Variants in ROBO2 observed in about 807,000 individuals in gnomAD.
ROBO2 encodes the protein roundabout guidance receptor 2.
In ROBO2, 53 loss-of-function variants were observed where a neutral mutation model predicts 160.8. That is an observed-to-expected ratio of 0.33 (90% CI 0.26 to 0.41). The LOEUF (loss-of-function observed/expected upper bound fraction) is 0.41, where lower values mean the gene tolerates loss of function less well. Among genes scored for constraint, ROBO2 ranks in the 10% least tolerant of loss-of-function variants. ROBO2 has a pLI of 1.00. For missense variants in ROBO2, 1,577 were observed against 1,722.4 expected (o/e 0.92, Z 1.49); for synonymous variants, 664 against 611.7 (o/e 1.09, Z -1.26).
intron 1 of ROBO2, among the ~76,000 whole-genome samples, chr3:75,918,828 CT>C (rs1946914688): frequency 1.3e-5 from 2 of 151,972 alleles, no homozygotes; most frequent in South Asian, 4.2e-4. Flanking sequence ...ATTTGGCTCT[CT>C]GCTTGTCTGG....
intron 24 of ROBO2, among the ~76,000 whole-genome samples, chr3:77,639,504 CT>C (rs1371565637): frequency 6.6e-6 from 1 of 151,980 alleles, no homozygotes; most frequent in Non-Finnish European, 1.5e-5. Context: ...TCAGAAAAGA[CT>C]GGAATAACAT....
chr3:77,259,606 A>T (rs1013955899), intron 2 of ROBO2, among the ~76,000 whole-genome samples: 1 of 152,214 alleles, frequency 6.6e-6, no homozygotes, highest in Non-Finnish European at 1.5e-5. Flanking sequence ...AGGAACAAAA[A>T]AGGATGATTG....
intron 2 of ROBO2, among the ~76,000 whole-genome samples, chr3:77,402,229 T>A (rs2075863279): frequency 6.7e-6 from 1 of 150,114 alleles, no homozygotes; most frequent in South Asian, 2.1e-4. Flanking sequence ...AAGTGGGGAT[T>A]GAATAATGAT....
intron 2 of ROBO2, among the ~76,000 whole-genome samples, chr3:76,073,347 G>A: frequency 7.4e-6 from 1 of 135,502 alleles, no homozygotes; most frequent in Admixed American, 8.2e-5. Context: ...AGGCTGGAGT[G>A]CAGGGGCGCG....
intron 2 of ROBO2, among the ~76,000 whole-genome samples, chr3:76,745,387 G>C (rs910804403): frequency 6.6e-6 from 1 of 152,082 alleles, no homozygotes; most frequent in African/African-American, 2.4e-5. Context: ...TATGTGAGCT[G>C]TAAAAGGCAC....
At chr3:76,362,387 A>G (rs936027013) in intron 2 of ROBO2, among the ~76,000 whole-genome samples, 2 of 152,100 alleles carry the variant, frequency 1.3e-5, no homozygotes, top group East Asian at 3.9e-4. Context: ...AGTGAATATT[A>G]TAGACACCTG....
At chr3:76,874,092 G>C (rs2072441654) in intron 2 of ROBO2, among the ~76,000 whole-genome samples, 1 of 152,104 alleles carries the variant, frequency 6.6e-6, no homozygotes, top group Admixed American at 6.6e-5. Flanking sequence ...ACAGTTGATT[G>C]ACTAAGGAGA....
intron 2 of ROBO2, among the ~76,000 whole-genome samples, chr3:77,242,019 A>C (rs2151377711): frequency 6.6e-6 from 1 of 152,292 alleles, no homozygotes; most frequent in Admixed American, 6.5e-5. Flanking sequence ...AATATGCGGG[A>C]AATAAGCTCT....
At chr3:76,112,403 C>T (rs1195679146) in intron 2 of ROBO2, among the ~76,000 whole-genome samples, 3 of 152,010 alleles carry the variant, frequency 2.0e-5, no homozygotes, top group Non-Finnish European at 4.4e-5. Context: ...TCTACTCCTA[C>T]CTTCTTTTTA....
chr3:77,523,200 A>T (rs1326334114), intron 6 of ROBO2, among the ~76,000 whole-genome samples: 1 of 151,402 alleles, frequency 6.6e-6, no homozygotes, highest in Non-Finnish European at 1.5e-5. Context: ...CTACTCTTTC[A>T]TTTCCATTGC....
chr3:76,556,113 A>T (rs942830606), intron 2 of ROBO2, among the ~76,000 whole-genome samples: 5 of 152,182 alleles, frequency 3.3e-5, no homozygotes, highest in Non-Finnish European at 5.9e-5. Context: ...AAAATAAAAA[A>T]TAAAAAGAAT....
At chr3:76,035,314 C>T (rs1476571259) in intron 2 of ROBO2, among the ~76,000 whole-genome samples, 2 of 151,730 alleles carry the variant, frequency 1.3e-5, no homozygotes, top group Non-Finnish European at 2.9e-5. Flanking sequence ...CTGAGTCTTC[C>T]TAGTAACAAA....
chr3:76,692,476 A>G (rs559706897), intron 2 of ROBO2, among the ~76,000 whole-genome samples: 30 of 152,220 alleles, frequency 2.0e-4, no homozygotes, highest in South Asian at 8.3e-4. Context: ...TTCAGCTTCT[A>G]AAGAGCATGT....
At chr3:76,453,564 G>A (rs1158986224) in intron 2 of ROBO2, among the ~76,000 whole-genome samples, 1 of 152,140 alleles carries the variant, frequency 6.6e-6, no homozygotes, top group East Asian at 1.9e-4. Flanking sequence ...GTACCATGCT[G>A]TTTTGGTTAC....
chr3:77,215,328 T>G (rs2084781066), intron 2 of ROBO2, among the ~76,000 whole-genome samples: 1 of 152,210 alleles, frequency 6.6e-6, no homozygotes, highest in Non-Finnish European at 1.5e-5. Context: ...ATTTCATTCA[T>G]TTGGTCTTCC....
intron 17 of ROBO2, among the ~76,000 whole-genome samples, chr3:77,594,177 T>C (rs553836270): frequency 2.0e-5 from 3 of 152,326 alleles, no homozygotes; most frequent in African/African-American, 4.8e-5. Context: ...CTACTAATCA[T>C]GGATATTCAC....
chr3:77,525,488 T>C (rs1390181938), intron 6 of ROBO2, among the ~76,000 whole-genome samples: 1 of 150,810 alleles, frequency 6.6e-6, no homozygotes, highest in Non-Finnish European at 1.5e-5. Flanking sequence ...TTGGCAAATG[T>C]AAAATTAGGA....
chr3:76,583,024 A>AT (rs1481494464), intron 2 of ROBO2, among the ~76,000 whole-genome samples: 2 of 151,254 alleles, frequency 1.3e-5, no homozygotes, highest in Non-Finnish European at 3.0e-5. Flanking sequence ...AAAAAAAAAA[A>AT]GCAAGAGAGA....
At chr3:77,155,420 T>C (rs2077921114) in intron 2 of ROBO2, among the ~76,000 whole-genome samples, 1 of 151,988 alleles carries the variant, frequency 6.6e-6, no homozygotes, top group Admixed American at 6.6e-5. Flanking sequence ...TTGCTCTAGC[T>C]GGTTTCAAAG....
Sources: gnomAD v4.1 joint callset for allele counts (sites outside exome capture counted in the v4.1 genomes callset) on GRCh38, gnomAD v4.1.1 for gene constraint, MANE v1.5 for transcripts, NCBI Gene and HGNC (gene_info 2026-07-23, HGNC 2026-07-21) for gene names.